PPP2R5E: variants seen among roughly 807,000 people sequenced by gnomAD.
The protein encoded by PPP2R5E is serine/threonine-protein phosphatase 2A 56 kDa regulatory subunit epsilon isoform.
In PPP2R5E, 4 loss-of-function variants were observed where a neutral mutation model predicts 65.3. That is an observed-to-expected ratio of 0.06 (90% confidence interval 0.03 to 0.14). PPP2R5E has a LOEUF of 0.14. PPP2R5E is among the 10% of genes least tolerant of loss of function. The pLI is 1.00. For missense variants in PPP2R5E, 274 were observed against 556.1 expected, an observed-to-expected ratio of 0.49 and a Z score of 5.10; for synonymous variants, 183 against 187.4, an observed-to-expected ratio of 0.98 and a Z score of 0.19.
At chr14:63,422,728 T>TAAA (rs1566690431) in intron 3 of PPP2R5E, among the ~76,000 whole-genome samples, 10 of 109,220 alleles carry the variant, frequency 9.2e-5, no homozygotes, top group African/African-American at 4.0e-4. Flanking sequence ...CTCCGTCTAT[T>TAAA]TAAAAAAAAA....
chr14:63,489,703 C>T (rs1891193394), intron 2 of PPP2R5E, among the ~76,000 whole-genome samples: 2 of 152,076 alleles, frequency 1.3e-5, no homozygotes, highest in Admixed American at 1.3e-4. Flanking sequence ...CTGCTGCGCC[C>T]AGCCAATACC....
chr14:63,473,569 C>A (rs1431313778), intron 2 of PPP2R5E, among the ~76,000 whole-genome samples: 2 of 152,078 alleles, frequency 1.3e-5, no homozygotes, highest in Non-Finnish European at 2.9e-5. Context: ...TAAAACCTTC[C>A]GTAATTTTAA....
chr14:63,539,518 A>G lies in PPP2R5E; in HGVS notation c.157+11T>C. ...TTGAAAAAGAATGCATCACCTGGTC[A>G]TGAGCCTTACCTTTTAGCAGCGGCA... On this transcript the variant is annotated intron_variant, in intron 2 of 13. Coordinates refer to ENST00000337537, the MANE Select transcript of PPP2R5E (RefSeq NM_006246.5). 4.3e-6 allele frequency: 7 copies of G among 1,612,074 alleles called. No individual in the cohort carries two copies. Among genetic ancestry groups the G allele is most frequent in the African/African-American group, 1.3e-5 (1 of 74,946 alleles).
intron 2 of PPP2R5E, among the ~76,000 whole-genome samples, chr14:63,537,268 T>G (rs1273338045): frequency 3.3e-5 from 5 of 152,180 alleles, no homozygotes; most frequent in Non-Finnish European, 7.3e-5. Flanking sequence ...TTCCTCAGAA[T>G]GAAGTCCTTT....
intron 5 of PPP2R5E, among the ~76,000 whole-genome samples, chr14:63,397,398 A>C (rs2139805066): frequency 6.6e-6 from 1 of 151,342 alleles, no homozygotes; most frequent in East Asian, 2.0e-4. Flanking sequence ...GCTACTCAGA[A>C]GGCTGAGGCA....
At chr14:63,410,793 A>T (rs544751065) in intron 5 of PPP2R5E, among the ~76,000 whole-genome samples, 9 of 152,270 alleles carry the variant, frequency 5.9e-5, no homozygotes, top group Non-Finnish European at 1.3e-4. Flanking sequence ...TAGTCAGATG[A>T]TTTCATTCAA....
At chr14:63,419,770 C>T (rs1886900731) in intron 4 of PPP2R5E, among the ~76,000 whole-genome samples, 1 of 152,140 alleles carries the variant, frequency 6.6e-6, no homozygotes, top group Non-Finnish European at 1.5e-5. Flanking sequence ...AAGAAAGGAC[C>T]AAAGGATAAT....
At chr14:63,536,076 A>C (rs1387208029) in intron 2 of PPP2R5E, among the ~76,000 whole-genome samples, 1 of 152,232 alleles carries the variant, frequency 6.6e-6, no homozygotes, top group African/African-American at 2.4e-5. Flanking sequence ...TTACTACATA[A>C]CAATCACTGT....
intron 8 of PPP2R5E, 74 bp downstream of exon 8, chr14:63,393,746 A>G: frequency 1.0e-6 from 1 of 1,000,476 alleles, no homozygotes; most frequent in South Asian, 1.5e-5. Flanking sequence ...AATGAAGGTT[A>G]TATCAATATC....
chr14:63,389,270 C>A (rs1202575424), intron 11 of PPP2R5E, among the ~76,000 whole-genome samples: 1 of 151,948 alleles, frequency 6.6e-6, no homozygotes, highest in Admixed American at 6.6e-5. Flanking sequence ...TTCTCTCTTA[C>A]ACACTAGAGA....
intron 3 of PPP2R5E, among the ~76,000 whole-genome samples, chr14:63,440,309 A>G (rs916567096): frequency 6.6e-6 from 1 of 152,136 alleles, no homozygotes; most frequent in African/African-American, 2.4e-5. Context: ...AGAAAAATTG[A>G]GAAGCAGCGT....
intron 5 of PPP2R5E, among the ~76,000 whole-genome samples, chr14:63,397,237 C>A (rs1885447998): frequency 6.6e-6 from 1 of 152,200 alleles, no homozygotes; most frequent in African/African-American, 2.4e-5. Flanking sequence ...TGTGGTGACT[C>A]ATGCCTGTAA....
intron 3 of PPP2R5E, among the ~76,000 whole-genome samples, chr14:63,441,398 T>C (rs1888229455): frequency 1.3e-5 from 2 of 152,230 alleles, no homozygotes; most frequent in African/African-American, 4.8e-5. Flanking sequence ...CTAGCCCAAA[T>C]GGTTTCACTG....
intron 3 of PPP2R5E, among the ~76,000 whole-genome samples, chr14:63,449,871 T>A (rs947507858): frequency 1.6e-5 from 2 of 123,722 alleles, no homozygotes; most frequent in Admixed American, 7.5e-5. Context: ...TTTCTTTTCC[T>A]ATTTTTTTTT....
At position 63,453,742 on chromosome 14, in the gene PPP2R5E, T is replaced by G; in HGVS notation, c.301A>C (p.Thr101Pro). The G allele has an allele frequency of 6.2e-7, 1 of 1,613,890 alleles. No individual in the cohort carries two copies. The highest frequency in any genetic ancestry group is 8.5e-7 in the Non-Finnish European group (1 of 1,179,950). ...STLNELVDYI[T>P]ISRGCLTEQT... Reference sequence around the variant, plus strand: ...TCTGTCAAACAGCCTCTGCTTATTGTAATGTAGTCCACCAGTTCATTAAGA... The same window carrying G: ...TCTGTCAAACAGCCTCTGCTTATTGGAATGTAGTCCACCAGTTCATTAAGA... Residue 101 changes from threonine (T) to proline (P), a missense_variant, in exon 3 of 14, where the codon ACA becomes CCA. Transcript: ENST00000337537.
intron 2 of PPP2R5E, among the ~76,000 whole-genome samples, chr14:63,462,734 T>A (rs1889552102): frequency 6.6e-6 from 1 of 152,156 alleles, no homozygotes; most frequent in South Asian, 2.1e-4. Flanking sequence ...AGGCTTGATA[T>A]AATGTATTTA....
chr14:63,480,811 T>C (rs1174190993), intron 2 of PPP2R5E, among the ~76,000 whole-genome samples: 1 of 152,194 alleles, frequency 6.6e-6, no homozygotes, highest in Non-Finnish European at 1.5e-5. Context: ...GCAATGACAC[T>C]GCAAATTCTT....
rs548702302 is a variant in PPP2R5E at position 63,539,596 on chromosome 14, C to T, written c.90G>A (p.Ser30=). 3.8e-5 allele frequency: 62 copies of T among 1,614,012 alleles called. No individual in the cohort carries two copies. The Admixed American group carries it at 9.7e-4, about 25-fold the overall frequency. ...KSVRKARQKR[S]QSSSQFRSQG... is the part of the protein sequence containing the mutation. ...GAGACCTAAACTGTGAGGAACTTTGCGACCTCTTCTGTCTGGCTTTTCTGA... is the reference window on the plus strand; with the variant it reads ...GAGACCTAAACTGTGAGGAACTTTGTGACCTCTTCTGTCTGGCTTTTCTGA... The change falls in exon 2 of 14, where the codon TCG becomes TCA. Residue 30 remains serine (S), a synonymous_variant. Coordinates refer to ENST00000337537, the MANE Select transcript of PPP2R5E (RefSeq NM_006246.5).
chr14:63,509,910 A>C (rs1892380250), intron 2 of PPP2R5E, among the ~76,000 whole-genome samples: 1 of 152,198 alleles, frequency 6.6e-6, no homozygotes, highest in African/African-American at 2.4e-5. Context: ...AGCTTGCAGG[A>C]ATTTCAAGAG....
Sources: gnomAD v4.1 joint callset for allele counts (sites outside exome capture counted in the v4.1 genomes callset) on GRCh38, gnomAD v4.1.1 for gene constraint, MANE v1.5 for transcripts, NCBI Gene and HGNC (gene_info 2026-07-23, HGNC 2026-07-21) for gene names.